TJAP1: variants seen among roughly 807,000 people sequenced by gnomAD.
TJAP1 encodes the protein tight junction-associated protein 1.
In TJAP1, 27 loss-of-function variants were observed where a neutral mutation model predicts 42.0. That is an observed-to-expected ratio of 0.64 (90% CI 0.47 to 0.89). The LOEUF is 0.89. Among genes scored for constraint, TJAP1 ranks in the 40% least tolerant of loss-of-function variants. The pLI is 0.00. For missense variants in TJAP1, 712 were observed against 726.9 expected (o/e 0.98, Z 0.24); for synonymous variants, 257 against 288.4 (o/e 0.89, Z 1.10).
chr6:43,500,965 A>G (rs568068455), intron 5 of TJAP1, 193 bp downstream of exon 5: 6 of 646,894 alleles, frequency 9.3e-6, no homozygotes, highest in East Asian at 2.8e-5. Flanking sequence ...TTATTGTTCC[A>G]TGGGCTTCAA....
At chr6:43,479,677 C>CA (rs113276624) in intron 2 of TJAP1, among the ~76,000 whole-genome samples, 1 of 151,970 alleles carries the variant, frequency 6.6e-6, no homozygotes, top group Non-Finnish European at 1.5e-5. Context: ...CAAGAAACAA[C>CA]AAAAAAAGCA....
chr6:43,483,813 CT>C (rs1785838841), intron 2 of TJAP1, among the ~76,000 whole-genome samples: 1 of 152,172 alleles, frequency 6.6e-6, no homozygotes, highest in Non-Finnish European at 1.5e-5. Flanking sequence ...AATCCCAGCA[CT>C]TTGGAAGGCT....
chr6:43,480,943 G>A (rs1333691760), intron 2 of TJAP1, among the ~76,000 whole-genome samples: 1 of 152,118 alleles, frequency 6.6e-6, no homozygotes, highest in African/African-American at 2.4e-5. Context: ...GACAGAGCTG[G>A]TATTTGAACC....
intron 8 of TJAP1, chr6:43,503,004 C>A: frequency 2.2e-6 from 1 of 453,858 alleles, no homozygotes; most frequent in South Asian, 2.3e-5. Context: ...GCCACCGCGC[C>A]CTGCTTCCTC....
exon 11 of TJAP1, chr6:43,506,130 C>T: frequency 3.0e-6 from 1 of 333,988 alleles, no homozygotes; most frequent in Non-Finnish European, 5.4e-6. Flanking sequence ...TTCCTCCAAT[C>T]AGCCCAACCC....
intron 2 of TJAP1, chr6:43,497,518 T>TTCC: frequency 6.6e-6 from 1 of 152,394 alleles, no homozygotes; most frequent in African/African-American, 2.4e-5. Context: ...GTAACCCATG[T>TTCC]TCCCCAAATC....
At chr6:43,480,203 C>A (rs1785016504) in intron 2 of TJAP1, among the ~76,000 whole-genome samples, 1 of 152,208 alleles carries the variant, frequency 6.6e-6, no homozygotes, top group Non-Finnish European at 1.5e-5. Flanking sequence ...GATCTCAGCA[C>A]TAATTTCTGT....
intron 2 of TJAP1, among the ~76,000 whole-genome samples, chr6:43,490,497 T>C (rs1787570767): frequency 6.6e-6 from 1 of 152,158 alleles, no homozygotes; most frequent in Admixed American, 6.5e-5. Flanking sequence ...GAAGGGAAGG[T>C]TGGATAGTGT....
chr6:43,487,870 G>GTTTTTTTTTTTTTTT (rs549444658), intron 2 of TJAP1, among the ~76,000 whole-genome samples: 2 of 138,356 alleles, frequency 1.4e-5, no homozygotes, highest in African/African-American at 5.5e-5. Flanking sequence ...CCTTCTAGTA[G>GTTTTTTTTTTTTTTT]TTTTTTTTTT....
chr6:43,500,655 C>A, intron 4 of TJAP1, 89 bp from the exon 5 acceptor site: 1 of 1,480,884 alleles, frequency 6.8e-7, no homozygotes, highest in Non-Finnish European at 9.4e-7. Context: ...GGGCTTCACA[C>A]CTGAGCCTTC....
chr6:43,504,779 G>A (rs750852117), exon 11 of TJAP1: 22 of 1,613,384 alleles, frequency 1.4e-5, no homozygotes, highest in Non-Finnish European at 1.9e-5. Flanking sequence ...TGAGCTACAG[G>A]ACATGGTTCG....
chr6:43,503,919 G>T, intron 10 of TJAP1: 1 of 706,424 alleles, frequency 1.4e-6, no homozygotes, highest in Non-Finnish European at 2.6e-6. Flanking sequence ...GGCCAGCCCT[G>T]TTGGTTTCTG....
intron 8 of TJAP1, chr6:43,503,034 G>T: frequency 2.3e-6 from 1 of 440,020 alleles, no homozygotes; most frequent in South Asian, 2.4e-5. Context: ...CTAGCCTGAT[G>T]CTGGAAACAG....
At chr6:43,498,220 A>G (rs1184140230) in intron 3 of TJAP1, among the ~76,000 whole-genome samples, 1 of 152,208 alleles carries the variant, frequency 6.6e-6, no homozygotes, top group Non-Finnish European at 1.5e-5. Context: ...ACTAACATTT[A>G]TTCAACATTT....
chr6:43,484,566 C>A (rs1249345091), intron 2 of TJAP1, among the ~76,000 whole-genome samples: 2 of 152,186 alleles, frequency 1.3e-5, no homozygotes, highest in African/African-American at 4.8e-5. Context: ...TCTATTAAAT[C>A]TAAAATAAGC....
chr6:43,503,446 G>A, exon 9 of TJAP1: 1 of 1,614,172 alleles, frequency 6.2e-7, no homozygotes, highest in Non-Finnish European at 8.5e-7. Context: ...CTGGGAGATT[G>A]TGGAGCTGAC....
intron 2 of TJAP1, among the ~76,000 whole-genome samples, chr6:43,496,529 G>C (rs577631783): frequency 1.3e-5 from 2 of 152,226 alleles, no homozygotes; most frequent in African/African-American, 4.8e-5. Context: ...GCTGGCGGCC[G>C]TGCCTGTGCT....
intron 5 of TJAP1, chr6:43,501,081 C>T (rs1323270803): frequency 2.2e-6 from 1 of 457,764 alleles, no homozygotes; most frequent in Non-Finnish European, 3.9e-6. Flanking sequence ...CCTTACAGCC[C>T]TTTAGCCACA....
At chr6:43,494,322 T>C (rs1049339075) in intron 2 of TJAP1, among the ~76,000 whole-genome samples, 2 of 151,974 alleles carry the variant, frequency 1.3e-5, no homozygotes, top group African/African-American at 4.8e-5. Flanking sequence ...TTGGATGGGG[T>C]AGGATGCAGC....
Sources: gnomAD v4.1 joint callset for allele counts (sites outside exome capture counted in the v4.1 genomes callset) on GRCh38, gnomAD v4.1.1 for gene constraint, MANE v1.5 for transcripts, NCBI Gene and HGNC (gene_info 2026-07-23, HGNC 2026-07-21) for gene names.